Variants in LARGE1 observed in about 807,000 individuals in gnomAD.
LARGE1 encodes the protein xylosyl- and glucuronyltransferase LARGE1.
LARGE1 carries 43 observed loss-of-function variants against 87.6 expected under a neutral mutation model. The ratio of observed to expected loss-of-function variants is 0.49; its 90% CI spans 0.38 to 0.63. The LOEUF (loss-of-function observed/expected upper bound fraction) is 0.63, where lower values mean the gene tolerates loss of function less well. Ranked by LOEUF, LARGE1 falls within the 30% of genes least tolerant of loss-of-function variation. The pLI is 0.00. For missense variants in LARGE1, 802 were observed against 1,000.2 expected (o/e 0.80, Z 2.67); for synonymous variants, 434 against 394.6 (o/e 1.10, Z -1.18).
At chr22:33,476,968 A>G (rs2069109545) in intron 6 of LARGE1, among the ~76,000 whole-genome samples, 1 of 152,204 alleles carries the variant, frequency 6.6e-6, no homozygotes, top group Non-Finnish European at 1.5e-5. Flanking sequence ...CTGGAATCGA[A>G]GGACAGTGGG....
At chr22:33,285,700 G>A (rs552800865) in intron 12 of LARGE1, among the ~76,000 whole-genome samples, 6 of 152,244 alleles carry the variant, frequency 3.9e-5, no homozygotes, top group Middle Eastern at 6.8e-3. Context: ...TCAACCAGAC[G>A]TTGAGCCTGT....
intron 6 of LARGE1, among the ~76,000 whole-genome samples, chr22:33,484,912 T>C (rs949095754): frequency 5.9e-5 from 7 of 117,676 alleles, no homozygotes; most frequent in Non-Finnish European, 9.8e-5. Flanking sequence ...AATGAGGTGG[T>C]TTTTTTTTTT....
At chr22:33,752,236 ATGGGGTATGCT>A (rs1192195610) in intron 2 of LARGE1, among the ~76,000 whole-genome samples, 1 of 152,160 alleles carries the variant, frequency 6.6e-6, no homozygotes, top group African/African-American at 2.4e-5. Context: ...CTAAGGGATC[ATGGGGTATGCT>A]TGGCTTTGCT....
intron 6 of LARGE1, among the ~76,000 whole-genome samples, chr22:33,466,288 C>G (rs989095375): frequency 1.3e-5 from 2 of 152,084 alleles, no homozygotes; most frequent in African/African-American, 4.8e-5. Flanking sequence ...GTAGCTTTCC[C>G]TGCCCTGCCT....
chr22:33,210,232 G>A (rs1924888733), intron 11 of LARGE1, among the ~76,000 whole-genome samples: 1 of 152,232 alleles, frequency 6.6e-6, no homozygotes, highest in Admixed American at 6.5e-5. Flanking sequence ...CGCCCTCCCG[G>A]CCTCCACAGG....
intron 2 of LARGE1, among the ~76,000 whole-genome samples, chr22:33,720,638 G>T (rs2083068084): frequency 6.6e-6 from 1 of 152,172 alleles, no homozygotes; most frequent in African/African-American, 2.4e-5. Flanking sequence ...CACACTTGAG[G>T]TCCAAGTCCC....
At chr22:33,449,677 G>A (rs1434410313) in intron 6 of LARGE1, among the ~76,000 whole-genome samples, 1 of 152,232 alleles carries the variant, frequency 6.6e-6, no homozygotes, top group African/African-American at 2.4e-5. Context: ...CTTTGGGTTA[G>A]GCTGCCTGGT....
chr22:33,601,723 T>C (rs2079118127), intron 5 of LARGE1, among the ~76,000 whole-genome samples: 1 of 152,204 alleles, frequency 6.6e-6, no homozygotes, highest in Non-Finnish European at 1.5e-5. Context: ...TGATGAAGTC[T>C]TCGATAGTAG....
chr22:33,317,295 C>T (rs185035169), intron 10 of LARGE1, among the ~76,000 whole-genome samples: 6 of 152,058 alleles, frequency 3.9e-5, no homozygotes, highest in Admixed American at 3.3e-4. Context: ...AAGAAGAAAA[C>T]GCTCAAAACT....
At chr22:33,316,772 G>A (rs981315249) in intron 10 of LARGE1, among the ~76,000 whole-genome samples, 1 of 152,060 alleles carries the variant, frequency 6.6e-6, no homozygotes, top group South Asian at 2.1e-4. Flanking sequence ...ACAAAAAAAA[G>A]AGGATGCCTT....
At chr22:33,610,641 G>T (rs1351057581) in intron 4 of LARGE1, among the ~76,000 whole-genome samples, 1 of 152,196 alleles carries the variant, frequency 6.6e-6, no homozygotes, top group Non-Finnish European at 1.5e-5. Flanking sequence ...TAGGGTGGTG[G>T]TGGGTGGTGG....
At chr22:33,609,535 G>A (rs1441636391) in intron 4 of LARGE1, among the ~76,000 whole-genome samples, 1 of 152,186 alleles carries the variant, frequency 6.6e-6, no homozygotes, top group Non-Finnish European at 1.5e-5. Flanking sequence ...GGAGGAGAAA[G>A]GGAGGCATTC....
chr22:33,326,753 G>A (rs1937278888), intron 10 of LARGE1, among the ~76,000 whole-genome samples: 1 of 152,124 alleles, frequency 6.6e-6, no homozygotes, highest in African/African-American at 2.4e-5. Flanking sequence ...AGGGAGGGCC[G>A]AACACCTGGC....
intron 13 of LARGE1, among the ~76,000 whole-genome samples, chr22:33,278,606 T>C (rs1323261313): frequency 6.6e-6 from 1 of 152,082 alleles, no homozygotes; most frequent in Non-Finnish European, 1.5e-5. Flanking sequence ...TTGTTTTAAA[T>C]TCTTATAACT....
intron 6 of LARGE1, among the ~76,000 whole-genome samples, chr22:33,545,449 C>A (rs1033913013): frequency 7.2e-5 from 10 of 138,586 alleles, no homozygotes; most frequent in African/African-American, 2.3e-4. Context: ...CACACACACA[C>A]AATTTCTTCT....
chr22:33,543,067 T>C (rs1420203373), intron 6 of LARGE1, among the ~76,000 whole-genome samples: 1 of 152,234 alleles, frequency 6.6e-6, no homozygotes, highest in Non-Finnish European at 1.5e-5. Flanking sequence ...TTCCCGCTGC[T>C]TCTGTACAAG....
intron 2 of LARGE1, chr22:33,737,876 G>A (rs1469234910): frequency 6.6e-6 from 1 of 152,176 alleles, no homozygotes; most frequent in East Asian, 1.9e-4. Flanking sequence ...ACACACCACA[G>A]CCACAAGAGC....
At chr22:33,727,663 GTAT>G (rs1468391264) in intron 2 of LARGE1, 6 of 152,192 alleles carry the variant, frequency 3.9e-5, no homozygotes, top group African/African-American at 7.2e-5. Context: ...GGTCTGGAAA[GTAT>G]TATTATCATG....
intron 7 of LARGE1, among the ~76,000 whole-genome samples, chr22:33,397,961 T>C (rs1453098738): frequency 6.6e-6 from 1 of 152,204 alleles, no homozygotes; most frequent in African/African-American, 2.4e-5. Context: ...GAACTGCCTG[T>C]TCTTTTGCTC....
Sources: allele counts gnomAD v4.1 joint callset (sites outside exome capture counted in the v4.1 genomes callset), GRCh38; gene constraint gnomAD v4.1.1; transcripts MANE v1.5; gene names NCBI Gene and HGNC (gene_info 2026-07-23, HGNC 2026-07-21).